Variants in PLCL1 observed in about 807,000 individuals in gnomAD.
The protein encoded by PLCL1 is phospholipase C like 1 (inactive), also known as inactive phospholipase C-like protein 1.
PLCL1 carries 41 observed loss-of-function variants against 84.4 expected under a neutral mutation model. The ratio of observed to expected loss-of-function variants is 0.49; its 90% CI spans 0.38 to 0.63. The LOEUF (loss-of-function observed/expected upper bound fraction) is 0.63. Ranked by LOEUF, PLCL1 falls within the 30% of genes least tolerant of loss-of-function variation. The probability of loss-of-function intolerance (pLI) is 0.00; values close to 1 mark genes in which losing one functional copy is unlikely to be tolerated. For synonymous variants in PLCL1, 490 were observed against 488.3 expected (o/e 1.00, Z -0.05); for missense variants, 1,206 against 1,367.8 (o/e 0.88, Z 1.87).
At chr2:198,068,115 A>G (rs1692362879) in intron 1 of PLCL1, among the ~76,000 whole-genome samples, 1 of 152,136 alleles carries the variant, frequency 6.6e-6, no homozygotes, top group African/African-American at 2.4e-5. Context: ...TTTTAAAGAG[A>G]TTAATTAGAG....
intron 1 of PLCL1, among the ~76,000 whole-genome samples, chr2:197,882,414 G>A (rs1333737830): frequency 6.6e-6 from 1 of 152,116 alleles, no homozygotes; most frequent in East Asian, 1.9e-4. Context: ...TTATGGGAAG[G>A]ACTTGACACT....
chr2:198,038,367 G>T (rs1691590469), intron 1 of PLCL1, among the ~76,000 whole-genome samples: 1 of 152,082 alleles, frequency 6.6e-6, no homozygotes, highest in South Asian at 2.1e-4. Flanking sequence ...CTGTGGGATT[G>T]CTTAATACCT....
At chr2:197,962,475 G>C (rs1263112237) in intron 1 of PLCL1, among the ~76,000 whole-genome samples, 2 of 152,056 alleles carry the variant, frequency 1.3e-5, no homozygotes, top group South Asian at 4.1e-4. Context: ...TGGGTACACA[G>C]TAGGTATATA....
At chr2:198,014,628 C>T (rs1198810019) in intron 1 of PLCL1, among the ~76,000 whole-genome samples, 1 of 151,862 alleles carries the variant, frequency 6.6e-6, no homozygotes, top group African/African-American at 2.4e-5. Flanking sequence ...ATATATAATA[C>T]TGAATTTTTT....
chr2:198,084,773 A>C lies in PLCL1; in HGVS notation c.1256A>C (p.Glu419Ala), dbSNP rs750057885. ...GCCTCTCATAACACCTATCTAATAG[A>C]AGACCAGTTCAGGGGGCCAGCTGAC... ...INASHNTYLIEDQFRGPADIN... is the reference protein window; with the variant it reads ...INASHNTYLIADQFRGPADIN... The change falls in exon 2 of 6, where the codon GAA becomes GCA. Residue 419 changes from glutamate to alanine, a missense_variant. Glu to Ala is a moderately radical substitution (Grantham distance 107). Coordinates refer to ENST00000428675, the MANE Select transcript of PLCL1 (RefSeq NM_006226.4). 3.7e-6 allele frequency: 6 copies of C among 1,614,120 alleles called. No individual in the cohort carries two copies. Among genetic ancestry groups the C allele is most frequent in the Non-Finnish European group, 5.1e-6 (6 of 1,179,988 alleles).
At chr2:197,825,173 A>G (rs992655399) in intron 1 of PLCL1, among the ~76,000 whole-genome samples, 2 of 152,068 alleles carry the variant, frequency 1.3e-5, no homozygotes, top group Admixed American at 6.5e-5. Context: ...TATACCTATT[A>G]GATTTAAACA....
chr2:198,127,954 G>A (rs62277914), intron 5 of PLCL1, among the ~76,000 whole-genome samples: 14,930 of 151,976 alleles, frequency 0.098, 812 homozygotes, highest in Middle Eastern at 0.22. Context: ...TTTTTATTTT[G>A]CTGAGTAAAT....
chr2:197,920,805 C>A (rs1688686114), intron 1 of PLCL1, among the ~76,000 whole-genome samples: 1 of 152,168 alleles, frequency 6.6e-6, no homozygotes, highest in South Asian at 2.1e-4. Context: ...TATTTGCAAG[C>A]CAATGTAATG....
At chr2:198,038,867 AAG>A (rs1345399601) in intron 1 of PLCL1, among the ~76,000 whole-genome samples, 1 of 151,986 alleles carries the variant, frequency 6.6e-6, no homozygotes, top group Non-Finnish European at 1.5e-5. Flanking sequence ...AAAAGAAAAA[AAG>A]AGTTCACTCA....
intron 1 of PLCL1, among the ~76,000 whole-genome samples, chr2:198,069,179 A>G (rs1304369971): frequency 1.3e-5 from 2 of 150,920 alleles, no homozygotes; most frequent in Admixed American, 1.3e-4. Context: ...TTTTTTTTAA[A>G]GTGAACCAAC....
intron 1 of PLCL1, among the ~76,000 whole-genome samples, chr2:198,007,022 G>A (rs928314855): frequency 1.5e-4 from 23 of 152,094 alleles, no homozygotes; most frequent in African/African-American, 5.6e-4. Flanking sequence ...AGATTAGAAG[G>A]TAATCTTTAG....
chr2:198,144,006 T>A (rs1694457033), intron 5 of PLCL1, among the ~76,000 whole-genome samples: 1 of 152,264 alleles, frequency 6.6e-6, no homozygotes, highest in South Asian at 2.1e-4. Context: ...TTTCCTCCCA[T>A]TGGCCATTGT....
At chr2:197,888,995 G>A (rs1415801646) in intron 1 of PLCL1, among the ~76,000 whole-genome samples, 1 of 152,122 alleles carries the variant, frequency 6.6e-6, no homozygotes, top group African/African-American at 2.4e-5. Flanking sequence ...TTGCTAAAAT[G>A]CAGTTCTTTT....
intron 1 of PLCL1, among the ~76,000 whole-genome samples, chr2:198,057,415 T>G (rs1159822478): frequency 6.6e-6 from 1 of 152,102 alleles, no homozygotes; most frequent in African/African-American, 2.4e-5. Flanking sequence ...TTGTACACAT[T>G]GTTTCATTTA....
At chr2:197,924,585 T>C (rs1356817987) in intron 1 of PLCL1, among the ~76,000 whole-genome samples, 1 of 152,082 alleles carries the variant, frequency 6.6e-6, no homozygotes, top group Non-Finnish European at 1.5e-5. Flanking sequence ...GATACAGCAC[T>C]TTATAGACCA....
chr2:197,866,148 ATATATATAAAC>A lies in PLCL1; in HGVS notation c.240+60818_240+60828del, dbSNP rs1361398051. On this transcript the variant is annotated intron_variant, in intron 1 of 5. Transcript: ENST00000428675. ...AACTATATATATATATAAACTATAT[ATATATATAAAC>A]TATATATATATATAAACTATATATA... is the stretch of plus-strand genomic sequence containing the variant. 3.9e-3 allele frequency among the ~76,000 whole-genome samples: 206 copies of A among 53,104 alleles called. 58 individuals carry two copies. The highest frequency in any genetic ancestry group is 5.6e-3 in the South Asian group (12 of 2,142). 34.8% of individuals were successfully genotyped at this position (53,104 alleles called of 152,430 possible). A position where few individuals can be genotyped will look rare whatever the true frequency, so the allele number is the denominator to read the frequency against.
chr2:197,920,960 G>T (rs1364596062), intron 1 of PLCL1, among the ~76,000 whole-genome samples: 2 of 152,196 alleles, frequency 1.3e-5, no homozygotes, highest in African/African-American at 4.8e-5. Context: ...TGTCGCTAAC[G>T]ACAGGGCATT....
chr2:197,985,839 G>A (rs1690208726), intron 1 of PLCL1, among the ~76,000 whole-genome samples: 1 of 152,178 alleles, frequency 6.6e-6, no homozygotes, highest in Non-Finnish European at 1.5e-5. Flanking sequence ...GTTGTGGTTT[G>A]CACAAATGAG....
At chr2:198,088,729 A>G (rs1692945575) in intron 2 of PLCL1, 129 bp from the exon 3 acceptor site, 6 of 727,260 alleles carry the variant, frequency 8.3e-6, no homozygotes, top group Admixed American at 1.9e-5. Flanking sequence ...ATTGAGCAAG[A>G]TGAAGTATAG....
Sources: gnomAD v4.1 joint callset for allele counts (sites outside exome capture counted in the v4.1 genomes callset) on GRCh38, gnomAD v4.1.1 for gene constraint, MANE v1.5 for transcripts, NCBI Gene and HGNC (gene_info 2026-07-23, HGNC 2026-07-21) for gene names.